GRHL2: variants seen among roughly 807,000 people sequenced by gnomAD.
GRHL2 encodes the protein grainyhead-like protein 2 homolog.
In GRHL2, 21 loss-of-function variants were observed where a neutral mutation model predicts 83.8. That is an observed-to-expected ratio of 0.25 (90% CI 0.18 to 0.36). The LOEUF (loss-of-function observed/expected upper bound fraction) is 0.36. Among genes scored for constraint, GRHL2 ranks in the 10% least tolerant of loss-of-function variants. The probability of loss-of-function intolerance (pLI) is 1.00; values close to 1 mark genes in which losing one functional copy is unlikely to be tolerated. For missense variants in GRHL2, 623 were observed against 781.8 expected, an observed-to-expected ratio of 0.80 and a Z score of 2.42; for synonymous variants, 280 against 278.9, an observed-to-expected ratio of 1.00 and a Z score of -0.04.
chr8:101,670,900 G>A (rs1338360436), downstream of GRHL2, among the ~76,000 whole-genome samples: 3 of 152,216 alleles, frequency 2.0e-5, no homozygotes, highest in Non-Finnish European at 2.9e-5. Context: ...GTTAGACACA[G>A]TCTGCCCTCA....
At chr8:101,674,286 A>T (rs1259510081), downstream of GRHL2, among the ~76,000 whole-genome samples, 3 of 152,174 alleles carry the variant, frequency 2.0e-5, no homozygotes, top group Non-Finnish European at 4.4e-5. Context: ...TTTTGAAAAG[A>T]TCAACAATAT....
rs3029438 is a variant in GRHL2, at chr8:101,636,724, TAC to T, written c.1486-132_1486-131del. 50,003 of 479,348 alleles carry T rather than the reference TAC, an allele frequency of 0.1. 587 individuals are homozygous for T. The highest frequency in any genetic ancestry group is 0.15 in the Middle Eastern group (308 of 2,012). 29.7% of individuals were successfully genotyped at this position (479,348 alleles called of 1,614,324 possible). On this transcript the variant is annotated intron_variant, in intron 11 of 15. Transcript: ENST00000646743. ...ACTTAAATATGCATTTCCTTAGAAA[TAC>T]ACACACACACACACACACACACACA...
At chr8:101,561,802 A>G (rs765272925) in intron 4 of GRHL2, among the ~76,000 whole-genome samples, 4 of 152,236 alleles carry the variant, frequency 2.6e-5, no homozygotes, top group Non-Finnish European at 5.9e-5. Flanking sequence ...ATGTAAGTAC[A>G]TCTATCAGTA....
At chr8:101,523,152 TC>T (rs1049574893) in intron 1 of GRHL2, among the ~76,000 whole-genome samples, 2 of 151,968 alleles carry the variant, frequency 1.3e-5, no homozygotes, top group African/African-American at 4.8e-5. Context: ...CCTCAAGTGA[TC>T]CACCCACCTC....
Position 101,560,971 on chromosome 8 carries a change from G to A in GRHL2, c.678+2159G>A, listed in dbSNP as rs567372701. Among the ~76,000 whole-genome samples, 28 of 151,518 alleles carry A rather than the reference G, an allele frequency of 1.8e-4. No individual in the cohort carries two copies. In the South Asian group the frequency reaches 5.3e-3, roughly 28 times the overall value. On this transcript the variant is annotated intron_variant, in intron 4 of 15. Transcript: ENST00000646743. ...TTAACTATATCTTTCCATGAGCGAC[G>A]GCATTTAATCTGATTAAGTCTACTT...
the GRHL2 span, among the ~76,000 whole-genome samples, chr8:101,681,185 C>G: frequency 7.3e-6 from 1 of 137,052 alleles, no homozygotes; most frequent in Non-Finnish European, 1.6e-5. Context: ...GCTAGCAAGA[C>G]TAATAAAGAA....
chr8:101,526,607 A>G lies in GRHL2; in HGVS notation c.21-16634A>G, dbSNP rs6992595. Among the ~76,000 whole-genome samples, 1,075 of 138,488 alleles carry G rather than the reference A, an allele frequency of 7.8e-3. 11 individuals carry two copies. Among genetic ancestry groups the G allele is most frequent in the African/African-American group, 0.028 (1,012 of 36,348 alleles). The allele number at this position is 138,488 out of a possible 152,430, so 90.9% of individuals were successfully genotyped here. ...ACTGTCTGTTGTTTTCTGTGAAGTGATAGACTCTCGCTTGGTTTATTTTTG... is the reference window on the plus strand; with the variant it reads ...ACTGTCTGTTGTTTTCTGTGAAGTGGTAGACTCTCGCTTGGTTTATTTTTG... On this transcript the variant is annotated intron_variant, in intron 1 of 15. Transcript: ENST00000646743.
chr8:101,579,225 A>G (rs1255604467), intron 7 of GRHL2, among the ~76,000 whole-genome samples: 1 of 152,248 alleles, frequency 6.6e-6, no homozygotes, highest in Non-Finnish European at 1.5e-5. Context: ...TTACCCAAGA[A>G]AATGAAAGGA....
intron 1 of GRHL2, among the ~76,000 whole-genome samples, chr8:101,526,356 C>T (rs973691919): frequency 6.6e-5 from 10 of 152,094 alleles, no homozygotes; most frequent in African/African-American, 2.4e-4. Context: ...TAACATCATG[C>T]ATTGGCATTT....
chr8:101,522,656 G>A (rs184225340), intron 1 of GRHL2, among the ~76,000 whole-genome samples: 24 of 151,808 alleles, frequency 1.6e-4, no homozygotes, highest in African/African-American at 5.3e-4. Context: ...TGTGCTACAG[G>A]TCTATTCATA....
rs986088601 is a variant in GRHL2 at position 101,580,316 on chromosome 8, A to G, written c.1003+2797A>G. On this transcript the variant is annotated intron_variant, in intron 7 of 15. Transcript: ENST00000646743. ...ATTTCTTTGTGTTCAGATTATCTCAAATCTTCTCTTCTAGCTATTTTGAAA... is the reference window on the plus strand; with the variant it reads ...ATTTCTTTGTGTTCAGATTATCTCAGATCTTCTCTTCTAGCTATTTTGAAA... Among the ~76,000 whole-genome samples, 6 of 152,272 alleles carry G rather than the reference A, an allele frequency of 3.9e-5. No individual in the cohort carries two copies. In the East Asian group the frequency reaches 9.6e-4, roughly 24 times the overall value.
intron 9 of GRHL2, among the ~76,000 whole-genome samples, chr8:101,624,100 C>T (rs930839949): frequency 5.3e-5 from 8 of 150,742 alleles, no homozygotes; most frequent in African/African-American, 2.0e-4. Flanking sequence ...CACAGTAGGA[C>T]AGTTTACAGT....
intron 7 of GRHL2, among the ~76,000 whole-genome samples, chr8:101,597,397 A>C (rs1432624071): frequency 6.6e-6 from 1 of 152,166 alleles, no homozygotes; most frequent in African/African-American, 2.4e-5. Flanking sequence ...TTATTGCGGC[A>C]CTATTCACAA....
At chr8:101,605,847 A>G (rs1812622214) in intron 8 of GRHL2, among the ~76,000 whole-genome samples, 1 of 152,196 alleles carries the variant, frequency 6.6e-6, no homozygotes, top group Admixed American at 6.5e-5. Flanking sequence ...GCTGAGACAT[A>G]TCAGTGTTTT....
intron 9 of GRHL2, among the ~76,000 whole-genome samples, chr8:101,629,591 T>C (rs1187264111): frequency 6.6e-6 from 1 of 152,100 alleles, no homozygotes; most frequent in African/African-American, 2.4e-5. Context: ...AGAAATCAAA[T>C]TCCTTGACCC....
At chr8:101,500,983 G>T (rs549700203) in intron 1 of GRHL2, among the ~76,000 whole-genome samples, 3 of 152,126 alleles carry the variant, frequency 2.0e-5, no homozygotes, top group Admixed American at 6.5e-5. Flanking sequence ...CATGAGTTTT[G>T]GTGAGCAGTA....
chr8:101,562,512 CA>C, intron 4 of GRHL2: 1 of 273,292 alleles, frequency 3.7e-6, no homozygotes, highest in South Asian at 6.5e-5. Flanking sequence ...GGGTCCCCAC[CA>C]ACCAAACACC....
intron 14 of GRHL2, among the ~76,000 whole-genome samples, chr8:101,660,365 G>A (rs1813894936): frequency 6.6e-6 from 1 of 152,016 alleles, no homozygotes. Context: ...CTTTTGCCTT[G>A]TTTGCATTTG....
chr8:101,539,868 C>T (rs1369949018), intron 1 of GRHL2, among the ~76,000 whole-genome samples: 2 of 152,148 alleles, frequency 1.3e-5, no homozygotes, highest in African/African-American at 4.8e-5. Context: ...GTCGTGTGCC[C>T]TCACAGCACC....
Sources: gnomAD v4.1 joint callset for allele counts (sites outside exome capture counted in the v4.1 genomes callset) on GRCh38, gnomAD v4.1.1 for gene constraint, MANE v1.5 for transcripts, NCBI Gene and HGNC (gene_info 2026-07-23, HGNC 2026-07-21) for gene names.